The following ZBTB46 variants were observed in gnomAD, a reference collection of about 807,000 sequenced individuals.
ZBTB46 encodes the protein zinc finger and BTB domain-containing protein 46.
Under a neutral mutation model 44.1 loss-of-function variants are expected in ZBTB46, and 8 were observed. The observed-to-expected ratio is 0.18, with a 90% CI of 0.11 to 0.33. The LOEUF (loss-of-function observed/expected upper bound fraction) is 0.33. Ranked by LOEUF, ZBTB46 falls within the 10% of genes least tolerant of loss-of-function variation. ZBTB46 has a pLI of 1.00. For missense variants in ZBTB46, 651 were observed against 847.7 expected (o/e 0.77, Z 2.88); for synonymous variants, 409 against 382.3 (o/e 1.07, Z -0.81).
At chr20:63,796,778 T>G (rs1487300464) in intron 1 of ZBTB46, among the ~76,000 whole-genome samples, 1 of 151,956 alleles carries the variant, frequency 6.6e-6, no homozygotes, top group African/African-American at 2.4e-5. Flanking sequence ...TGAGCCGAGA[T>G]CATACCATTG....
chr20:63,754,188 G>A (rs12481497), intron 3 of ZBTB46, among the ~76,000 whole-genome samples: 23,767 of 152,252 alleles, frequency 0.16, 2,299 homozygotes, highest in East Asian at 0.48. Flanking sequence ...GCATGTCCCC[G>A]CCGCACATCC....
intron 1 of ZBTB46, chr20:63,816,310 C>T: frequency 5.0e-6 from 1 of 200,318 alleles, no homozygotes; most frequent in South Asian, 6.2e-5. Flanking sequence ...TGCTCACCCT[C>T]AACATGACTC....
rs1430999043 is a variant in ZBTB46, at chr20:63,817,113, AAAAG to A, written c.-34+13980_-34+13983del. ...AGAGCGAAACTCAGTCTCAAAAAAA[AAAAG>A]AAAAGAAAAGAAAAGGAAAGGGCCA... is the stretch of plus-strand genomic sequence containing the variant. On this transcript the variant is annotated intron_variant, in intron 1 of 4. Coordinates refer to ENST00000245663, the MANE Select transcript of ZBTB46 (RefSeq NM_001369741.1). Among the ~76,000 whole-genome samples the A allele has an allele frequency of 6.9e-3, 732 of 105,338 alleles. 4 individuals carry two copies. The highest frequency in any genetic ancestry group is 0.024 in the African/African-American group (585 of 23,912). The allele number at this position is 105,338 out of a possible 152,430, so 69.1% of individuals were successfully genotyped here.
At chr20:63,747,577 G>T (rs574913705) in intron 4 of ZBTB46, among the ~76,000 whole-genome samples, 2 of 148,436 alleles carry the variant, frequency 1.3e-5, no homozygotes, top group South Asian at 2.1e-4. Context: ...TTGGGGTTGG[G>T]GGGGCACAGC....
intron 1 of ZBTB46, among the ~76,000 whole-genome samples, chr20:63,795,931 T>C (rs2092600200): frequency 1.3e-5 from 2 of 152,132 alleles, no homozygotes; most frequent in African/African-American, 4.8e-5. Flanking sequence ...CGGGTGTCCA[T>C]CATTGAGCGC....
At chr20:63,785,418 G>A (rs952609534) in intron 2 of ZBTB46, among the ~76,000 whole-genome samples, 6 of 151,646 alleles carry the variant, frequency 4.0e-5, no homozygotes, top group African/African-American at 7.3e-5. Context: ...GAAATTAGCC[G>A]GGCGTGGTCA....
chr20:63,794,708 C>T (rs1221560888), intron 1 of ZBTB46, among the ~76,000 whole-genome samples: 1 of 152,232 alleles, frequency 6.6e-6, no homozygotes, highest in African/African-American at 2.4e-5. Flanking sequence ...GCACCCGGGG[C>T]TACTCAGGCT....
intron 3 of ZBTB46, among the ~76,000 whole-genome samples, chr20:63,768,693 T>C (rs1021040709): frequency 4.6e-5 from 7 of 152,030 alleles, no homozygotes; most frequent in Non-Finnish European, 8.8e-5. Context: ...CCTTTCTTTA[T>C]AGAAAAGACT....
rs2092848906 is a variant in ZBTB46, at chr20:63,831,125, C to A, written c.-62G>T. 2.8e-5 allele frequency: 4 copies of A among 140,914 alleles called. No individual in the cohort carries two copies. In the South Asian group the frequency reaches 9.0e-4, roughly 32 times the overall value. The allele number at this position is 140,914 out of a possible 1,614,324, so 8.7% of individuals were successfully genotyped here. A position where few individuals can be genotyped will look rare whatever the true frequency, so the allele number is the denominator to read the frequency against. Reference sequence around the variant, plus strand: ...TGACCCCATGGGGCGCGGGCGAGGGCGGGCGCCGCGGCCGCCGGGCCGGCG... The same window carrying A: ...TGACCCCATGGGGCGCGGGCGAGGGAGGGCGCCGCGGCCGCCGGGCCGGCG... On this transcript the variant is annotated 5_prime_UTR_variant, in exon 1 of 5. Transcript: ENST00000245663.
intron 3 of ZBTB46, among the ~76,000 whole-genome samples, chr20:63,757,273 T>C (rs889726779): frequency 2.0e-5 from 3 of 152,124 alleles, no homozygotes; most frequent in African/African-American, 7.2e-5. Context: ...CAGGCACTCA[T>C]CGCTACACCA....
intron 1 of ZBTB46, among the ~76,000 whole-genome samples, chr20:63,802,850 G>A (rs2092657804): frequency 6.8e-6 from 1 of 146,708 alleles, no homozygotes; most frequent in Non-Finnish European, 1.5e-5. Context: ...GCCGACGACC[G>A]AACCTCAGGC....
At chr20:63,773,082 A>G (rs1196480069) in intron 3 of ZBTB46, among the ~76,000 whole-genome samples, 2 of 152,144 alleles carry the variant, frequency 1.3e-5, no homozygotes, top group African/African-American at 4.8e-5. Flanking sequence ...TGAAATCGAC[A>G]TCTTCTGCCA....
chr20:63,806,943 C>T (rs958515886), intron 1 of ZBTB46, among the ~76,000 whole-genome samples: 12 of 152,166 alleles, frequency 7.9e-5, no homozygotes, highest in African/African-American at 9.7e-5. Flanking sequence ...CCACCACACC[C>T]GGCTAATTTT....
At position 63,798,674 on chromosome 20, in the gene ZBTB46, C is replaced by CA. The variant is rs71197435; in HGVS notation, c.-33-7885dup. 3.1e-3 allele frequency among the ~76,000 whole-genome samples: 59 copies of CA among 18,746 alleles called. 8 individuals carry two copies. Among genetic ancestry groups the CA allele is most frequent in the African/African-American group, 6.5e-3 (23 of 3,554 alleles). 12.3% of individuals were successfully genotyped at this position (18,746 alleles called of 152,430 possible). A position where few individuals can be genotyped will look rare whatever the true frequency, so the allele number is the denominator to read the frequency against. On this transcript the variant is annotated intron_variant, in intron 1 of 4. Coordinates refer to ENST00000245663, the MANE Select transcript of ZBTB46 (RefSeq NM_001369741.1). Reference sequence around the variant, plus strand: ...TGGCCAACAGAGCTAGACTCTGTCTCAAAAAAAAAAAAAAAAAAATTAGCT... The same window carrying CA: ...TGGCCAACAGAGCTAGACTCTGTCTCAAAAAAAAAAAAAAAAAAAATTAGCT...
At chr20:63,776,062 T>G in intron 2 of ZBTB46, 100 bp from the exon 3 acceptor site, 2 of 1,399,436 alleles carry the variant, frequency 1.4e-6, no homozygotes, top group Non-Finnish European at 1.9e-6. Context: ...AGCTTCTGCC[T>G]GAGCTACAGA....
chr20:63,830,220 G>A (rs1600740886), intron 1 of ZBTB46, among the ~76,000 whole-genome samples: 2 of 152,368 alleles, frequency 1.3e-5, no homozygotes, highest in South Asian at 4.1e-4. Flanking sequence ...TGTCAGCGGG[G>A]CCAGGGGAAC....
intron 1 of ZBTB46, among the ~76,000 whole-genome samples, chr20:63,830,744 G>A (rs1472930531): frequency 1.4e-5 from 2 of 147,450 alleles, no homozygotes; most frequent in African/African-American, 2.5e-5. Flanking sequence ...GGAGCGCGGC[G>A]GCGGCGGGAG....
chr20:63,763,516 A>G (rs946924100), intron 3 of ZBTB46, among the ~76,000 whole-genome samples: 22 of 152,150 alleles, frequency 1.4e-4, no homozygotes, highest in Admixed American at 3.3e-4. Flanking sequence ...CAGGAGCAGG[A>G]GCAAGACGGA....
At chr20:63,827,258 G>A (rs1187073319) in intron 1 of ZBTB46, among the ~76,000 whole-genome samples, 1 of 152,206 alleles carries the variant, frequency 6.6e-6, no homozygotes, top group Non-Finnish European at 1.5e-5. Context: ...CCAAAGAGCT[G>A]TCATGAATAG....
Sources: gnomAD v4.1 joint callset for allele counts (sites outside exome capture counted in the v4.1 genomes callset) on GRCh38, gnomAD v4.1.1 for gene constraint, MANE v1.5 for transcripts, NCBI Gene and HGNC (gene_info 2026-07-23, HGNC 2026-07-21) for gene names.